The following IL19 variants were observed in gnomAD, a reference collection of about 807,000 sequenced individuals.
IL19 encodes the protein interleukin-19.
In IL19, 15 loss-of-function variants were observed where a neutral mutation model predicts 19.5. The observed-to-expected ratio is 0.77, with a 90% CI of 0.52 to 1.19. IL19 has a LOEUF of 1.19. IL19 is among the 50% of genes most tolerant of loss of function. The probability of loss-of-function intolerance (pLI) is 0.00; values close to 1 mark genes in which losing one functional copy is unlikely to be tolerated. For missense variants in IL19, 199 were observed against 213.1 expected, an observed-to-expected ratio of 0.93 and a Z score of 0.41; for synonymous variants, 78 against 78.3, an observed-to-expected ratio of 1.00 and a Z score of 0.02.
At chr1:206,774,082 A>G (rs192741243) in intron 1 of IL19, among the ~76,000 whole-genome samples, 66 of 152,336 alleles carry the variant, frequency 4.3e-4, no homozygotes, top group Middle Eastern at 3.4e-3. Flanking sequence ...TTGCTGCACT[A>G]GAGAAGGTCA....
In IL19 at chr1:206,842,531, A is replaced by T; in HGVS notation, c.443A>T (p.Glu148Val). ...RVIHDNYDQL[E>V]VHAAAIKSLG... ...TACATTGATCTCTGATTTCAGCTGG[A>T]GGTCCACGCTGCTGCCATTAAATCC... The change falls in exon 7 of 7, where the codon GAG becomes GTG. Residue 148 changes from glutamate to valine, a missense_variant. Transcript: ENST00000659997. 1 of 1,558,928 alleles carries T rather than the reference A, an allele frequency of 6.4e-7. No homozygotes were observed. Among genetic ancestry groups the T allele is most frequent in the Non-Finnish European group, 8.7e-7 (1 of 1,147,894 alleles).
At chr1:206,840,784 C>T (rs1572578094) in intron 5 of IL19, among the ~76,000 whole-genome samples, 1 of 152,176 alleles carries the variant, frequency 6.6e-6, no homozygotes, top group South Asian at 2.1e-4. Context: ...TGCTGACAGT[C>T]TGATGTGTTC....
In IL19 at chr1:206,771,285, A is replaced by G. The variant is rs1379946565; in HGVS notation, c.-149+207A>G. ...GAAGGAAACAAACCCAATTCCCTGC[A>G]ATCAGGAAGCAGAGTCTCCCTTCCC... On this transcript the variant is annotated intron_variant, in intron 1 of 6. Transcript: ENST00000659997. 2.2e-6 allele frequency: 3 copies of G among 1,392,428 alleles called. No individual in the cohort carries two copies. The African/African-American group carries it at 4.3e-5, about 20-fold the overall frequency. The allele number at this position is 1,392,428 out of a possible 1,614,324, so 86.3% of individuals were successfully genotyped here.
At chr1:206,834,357 C>A in intron 2 of IL19, 2 of 985,628 alleles carry the variant, frequency 2.0e-6, no homozygotes, top group South Asian at 4.7e-5. Context: ...GCAGAGAGCA[C>A]TGAGAGGAGA....
chr1:206,832,777 C>T (rs1274956348), intron 2 of IL19, among the ~76,000 whole-genome samples: 2 of 152,120 alleles, frequency 1.3e-5, no homozygotes, highest in Non-Finnish European at 2.9e-5. Flanking sequence ...GGTTTAAATC[C>T]AGAACTACGT....
intron 1 of IL19, among the ~76,000 whole-genome samples, chr1:206,779,692 G>A (rs931558332): frequency 6.6e-6 from 1 of 152,082 alleles, no homozygotes; most frequent in African/African-American, 2.4e-5. Flanking sequence ...GGTCAAATAA[G>A]GACTCATATT....
In IL19 at chr1:206,771,246, C is replaced by T. The variant is rs1375722234; in HGVS notation, c.-149+168C>T. ...GTGCTGAGTTAACATCTTCCCACTT[C>T]TCCTTTTCAAAGCGAAGGAAACAAA... On this transcript the variant is annotated intron_variant, in intron 1 of 6. Coordinates refer to ENST00000659997, the MANE Select transcript of IL19 (RefSeq NM_153758.5). The T allele has an allele frequency of 3.3e-6, 4 of 1,199,378 alleles. No homozygotes were observed. The East Asian group carries it at 7.0e-5, about 21-fold the overall frequency. The allele number at this position is 1,199,378 out of a possible 1,614,324, so 74.3% of individuals were successfully genotyped here.
chr1:206,831,669 G>A (rs1271823841), intron 2 of IL19, among the ~76,000 whole-genome samples: 2 of 152,102 alleles, frequency 1.3e-5, no homozygotes, highest in East Asian at 1.9e-4. Context: ...TTCATGCTGC[G>A]CCTACATGGT....
chr1:206,840,208 GTCTCCT>G, intron 5 of IL19: 1 of 705,174 alleles, frequency 1.4e-6, no homozygotes. Flanking sequence ...TCCTCAGATG[GTCTCCT>G]CCTAGATAAC....
chr1:206,787,930 G>A (rs188957598), intron 1 of IL19, among the ~76,000 whole-genome samples: 1 of 152,206 alleles, frequency 6.6e-6, no homozygotes, highest in East Asian at 1.9e-4. Flanking sequence ...GCCCCATCAG[G>A]TCTCGCTTTC....
At chr1:206,826,612 G>A (rs1676440180) in intron 2 of IL19, among the ~76,000 whole-genome samples, 1 of 152,176 alleles carries the variant, frequency 6.6e-6, no homozygotes, top group African/African-American at 2.4e-5. Flanking sequence ...AGGGCTCTGG[G>A]GTGAAGCCCT....
intron 2 of IL19, among the ~76,000 whole-genome samples, chr1:206,802,461 C>A (rs1249170356): frequency 1.3e-5 from 2 of 151,934 alleles, no homozygotes; most frequent in Non-Finnish European, 2.9e-5. Context: ...CAAGCGATTA[C>A]CCCTATTTTA....
chr1:206,789,039 G>C (rs1296369513), intron 1 of IL19, among the ~76,000 whole-genome samples: 1 of 152,192 alleles, frequency 6.6e-6, no homozygotes, highest in East Asian at 1.9e-4. Flanking sequence ...CCAATAATCA[G>C]ATACCAGTCA....
chr1:206,782,288 G>A (rs1675165708), intron 1 of IL19, among the ~76,000 whole-genome samples: 1 of 152,034 alleles, frequency 6.6e-6, no homozygotes, highest in South Asian at 2.1e-4. Flanking sequence ...GATAGAAGCA[G>A]GATCCTCACA....
In IL19 at chr1:206,839,850, C is replaced by CCCTAATTT; in HGVS notation, c.214_215insAATTTCCT (p.Leu72Ter). ...GTGTTTCCCTAATTTGTGTTTGTAG[C>CCCTAATTT]CCTTAGATGTGTGCTGCGTGACCAA... On this transcript the variant is annotated stop_gained and frameshift_variant and splice_region_variant, in exon 5 of 7. Coordinates refer to ENST00000659997, the MANE Select transcript of IL19 (RefSeq NM_153758.5). LOFTEE classifies it high-confidence loss of function. 1 of 1,610,246 alleles carries CCCTAATTT rather than the reference C, an allele frequency of 6.2e-7. No individual in the cohort carries two copies. Among genetic ancestry groups the CCCTAATTT allele is most frequent in the Non-Finnish European group, 8.5e-7 (1 of 1,178,168 alleles).
intron 2 of IL19, among the ~76,000 whole-genome samples, chr1:206,801,363 C>A (rs181551763): frequency 6.6e-6 from 1 of 152,086 alleles, no homozygotes. Flanking sequence ...TGCCTGGAGG[C>A]GGGGGGTGGA....
At chr1:206,795,050 T>A (rs1475096565) in intron 1 of IL19, among the ~76,000 whole-genome samples, 1 of 152,198 alleles carries the variant, frequency 6.6e-6, no homozygotes, top group Non-Finnish European at 1.5e-5. Flanking sequence ...TTGGCTGTTA[T>A]GCTCTGGCCC....
intron 1 of IL19, among the ~76,000 whole-genome samples, chr1:206,798,257 G>A (rs1182948486): frequency 1.3e-5 from 2 of 152,124 alleles, no homozygotes; most frequent in African/African-American, 2.4e-5. Context: ...TCTTCACCTG[G>A]CCCGTTGTTC....
chr1:206,827,288 T>C (rs1572569559), intron 2 of IL19, among the ~76,000 whole-genome samples: 1 of 152,342 alleles, frequency 6.6e-6, no homozygotes, highest in South Asian at 2.1e-4. Flanking sequence ...GTTTGTGTTA[T>C]TTGTTAGCTT....
Sources: gnomAD v4.1 joint callset for allele counts (sites outside exome capture counted in the v4.1 genomes callset) on GRCh38, gnomAD v4.1.1 for gene constraint, MANE v1.5 for transcripts, NCBI Gene and HGNC (gene_info 2026-07-23, HGNC 2026-07-21) for gene names.